CD96: variants seen among roughly 807,000 people sequenced by gnomAD.
The protein encoded by CD96 is CD96 molecule.
Under a neutral mutation model 71.3 loss-of-function variants are expected in CD96, and 70 were observed. The observed-to-expected ratio is 0.98, with a 90% CI of 0.81 to 1.20. CD96 has a LOEUF of 1.20. CD96 is among the 50% of genes most tolerant of loss of function. The probability of loss-of-function intolerance (pLI) is 0.00; values close to 1 mark genes in which losing one functional copy is unlikely to be tolerated. For synonymous variants in CD96, 248 were observed against 233.0 expected (o/e 1.06, Z -0.59); for missense variants, 742 against 677.5 (o/e 1.10, Z -1.06).
intron 7 of CD96, among the ~76,000 whole-genome samples, chr3:111,604,726 G>A (rs947793990): frequency 3.9e-5 from 6 of 152,242 alleles, no homozygotes; most frequent in African/African-American, 9.6e-5. Context: ...TGAGCATAAC[G>A]CACCAATATC....
intron 3 of CD96, among the ~76,000 whole-genome samples, chr3:111,576,231 A>G (rs1234429340): frequency 6.6e-6 from 1 of 152,190 alleles, no homozygotes; most frequent in African/African-American, 2.4e-5. Context: ...TTTGAAGAAC[A>G]GGAAAAGAAA....
At chr3:111,546,562 C>A (rs371968015) in intron 2 of CD96, among the ~76,000 whole-genome samples, 6 of 151,900 alleles carry the variant, frequency 3.9e-5, no homozygotes, top group African/African-American at 1.5e-4. Context: ...ATTACCTGGT[C>A]CTAAAGTAAA....
intron 8 of CD96, among the ~76,000 whole-genome samples, chr3:111,623,256 GT>G (rs1242131622): frequency 1.3e-5 from 2 of 152,244 alleles, no homozygotes; most frequent in African/African-American, 4.8e-5. Context: ...TTTTGGGGGA[GT>G]GAGGGGGAAG....
In CD96 at chr3:111,640,097, C is replaced by G. The variant is rs145682886; in HGVS notation, c.1477+1929C>G. Among the ~76,000 whole-genome samples, 31 of 152,246 alleles carry G rather than the reference C, an allele frequency of 2.0e-4. No individual in the cohort carries two copies. The East Asian group carries it at 5.2e-3, about 26-fold the overall frequency. Reference sequence around the variant, plus strand: ...CTTCAACACCCCCCAAAACAATCATCCTAGTTCACCAGCAATGGATCCAAA... The same window carrying G: ...CTTCAACACCCCCCAAAACAATCATGCTAGTTCACCAGCAATGGATCCAAA... On this transcript the variant is annotated intron_variant, in intron 12 of 13. Transcript: ENST00000352690.
chr3:111,655,382 T>A (rs1246106895), downstream of CD96, among the ~76,000 whole-genome samples: 1 of 152,116 alleles, frequency 6.6e-6, no homozygotes, highest in Non-Finnish European at 1.5e-5. Context: ...AATGTAAAAT[T>A]TAATGGAAGA....
chr3:111,645,958 C>T (rs1204601930), intron 12 of CD96, among the ~76,000 whole-genome samples: 4 of 152,134 alleles, frequency 2.6e-5, no homozygotes, highest in African/African-American at 9.7e-5. Context: ...ACTAATATTA[C>T]ATCTAGTTCT....
chr3:111,592,859 T>C (rs994545636), intron 5 of CD96: 1 of 152,258 alleles, frequency 6.6e-6, no homozygotes, highest in Non-Finnish European at 1.5e-5. Flanking sequence ...TTAATTAGTT[T>C]AAGCATTAGG....
In CD96 at chr3:111,543,091, A is replaced by G. The variant is rs368472600; in HGVS notation, c.61+782A>G. Among the ~76,000 whole-genome samples, 4 of 152,346 alleles carry G rather than the reference A, an allele frequency of 2.6e-5. No individual in the cohort carries two copies. The South Asian group carries it at 8.3e-4, about 32-fold the overall frequency. On this transcript the variant is annotated intron_variant, in intron 1 of 13. Transcript: ENST00000352690. ...AGGATAGCTCACAGGAAGTTACATT[A>G]AACTGTACTAACCTCTGCCTACCAA...
chr3:111,578,521 A>G (rs1936323453), intron 3 of CD96, among the ~76,000 whole-genome samples: 1 of 152,184 alleles, frequency 6.6e-6, no homozygotes, highest in South Asian at 2.1e-4. Flanking sequence ...TTTCACTTGC[A>G]AGACTTTGAG....
At chr3:111,595,900 G>A (rs1419225167) in intron 5 of CD96, among the ~76,000 whole-genome samples, 1 of 152,110 alleles carries the variant, frequency 6.6e-6, no homozygotes, top group Non-Finnish European at 1.5e-5. Flanking sequence ...CATGGATCTT[G>A]CCTGTAGTCC....
intron 5 of CD96, among the ~76,000 whole-genome samples, chr3:111,585,946 G>A (rs1936693745): frequency 6.6e-6 from 1 of 152,102 alleles, no homozygotes; most frequent in African/African-American, 2.4e-5. Flanking sequence ...GTAGTCACTA[G>A]GATCTGGACT....
At chr3:111,634,153 C>G (rs1303722900) in intron 10 of CD96, 1 of 152,644 alleles carries the variant, frequency 6.6e-6, no homozygotes, top group Non-Finnish European at 1.5e-5. Context: ...TGATTGACAA[C>G]TATAAACTTG....
At chr3:111,579,567 G>A in intron 4 of CD96, 1 of 352,826 alleles carries the variant, frequency 2.8e-6, no homozygotes, top group Non-Finnish European at 5.5e-6. Flanking sequence ...TAAGTCCAAG[G>A]TCGAGGGGAC....
At chr3:111,646,493 C>T (rs760387568) in intron 12 of CD96, among the ~76,000 whole-genome samples, 18 of 150,526 alleles carry the variant, frequency 1.2e-4, no homozygotes, top group African/African-American at 2.2e-4. Context: ...ATTAAAACCA[C>T]GATAAGATAC....
chr3:111,609,442 CA>C (rs1470177585), intron 8 of CD96, among the ~76,000 whole-genome samples: 1 of 150,660 alleles, frequency 6.6e-6, no homozygotes, highest in African/African-American at 2.4e-5. Flanking sequence ...CAGCAATGAA[CA>C]AAACTGAAAA....
At chr3:111,659,769 C>T (rs192797255) in intron 14 of CD96, among the ~76,000 whole-genome samples, 39 of 152,202 alleles carry the variant, frequency 2.6e-4, no homozygotes, top group Admixed American at 2.2e-3. Flanking sequence ...GAATTAAAAG[C>T]AAGAGACATA....
intron 2 of CD96, among the ~76,000 whole-genome samples, chr3:111,561,204 C>A (rs1337912947): frequency 6.9e-6 from 1 of 145,680 alleles, no homozygotes; most frequent in Non-Finnish European, 1.5e-5. Context: ...CTTCTTCTCT[C>A]AGCTCGTCAA....
intron 12 of CD96, among the ~76,000 whole-genome samples, chr3:111,638,474 A>T (rs1939442106): frequency 1.3e-5 from 2 of 152,246 alleles, no homozygotes; most frequent in African/African-American, 4.8e-5. Flanking sequence ...GAGAAAAATA[A>T]ATAAGAATTT....
intron 5 of CD96, among the ~76,000 whole-genome samples, chr3:111,597,570 T>C (rs538131120): frequency 6.6e-6 from 1 of 152,326 alleles, no homozygotes; most frequent in East Asian, 1.9e-4. Flanking sequence ...GCTCTACCTA[T>C]CCTTAAGATT....
Sources: allele counts gnomAD v4.1 joint callset (sites outside exome capture counted in the v4.1 genomes callset), GRCh38; gene constraint gnomAD v4.1.1; transcripts MANE v1.5; gene names NCBI Gene and HGNC (gene_info 2026-07-23, HGNC 2026-07-21).